NAP1L4: variants seen among roughly 807,000 people sequenced by gnomAD.
NAP1L4 encodes nucleosome assembly protein 1 like 4.
Under a neutral mutation model 58.2 loss-of-function variants are expected in NAP1L4, and 15 were observed. The ratio of observed to expected loss-of-function variants is 0.26; its 90% CI spans 0.17 to 0.40. The LOEUF is 0.40. Ranked by LOEUF, NAP1L4 falls within the 10% of genes least tolerant of loss-of-function variation. NAP1L4 has a pLI of 1.00. For missense variants in NAP1L4, 384 were observed against 451.1 expected, an observed-to-expected ratio of 0.85 and a Z score of 1.35; for synonymous variants, 171 against 155.6, an observed-to-expected ratio of 1.10 and a Z score of -0.74.
In NAP1L4 at chr11:2,954,695, A is replaced by AT; in HGVS notation, c.916-50dup. 6.2e-7 allele frequency: 1 copy of AT among 1,612,630 alleles called. No individual in the cohort carries two copies. Among genetic ancestry groups the AT allele is most frequent in the Non-Finnish European group, 8.5e-7 (1 of 1,179,176 alleles). On this transcript the variant is annotated intron_variant, in intron 11 of 15. Transcript: ENST00000380542. The surrounding 1 kb of genome is among the most constrained non-coding windows in gnomAD (Gnocchi z 4.8). Reference sequence around the variant, plus strand: ...TAACTCATTTTAATGGGATAAAAACATTCACTTCACCACCCTCAGCCAAAC... The same window carrying AT: ...TAACTCATTTTAATGGGATAAAAACATTTCACTTCACCACCCTCAGCCAAAC...
At position 2,951,778 on chromosome 11, in the gene NAP1L4, ACCT is replaced by A. The variant is rs1275427732; in HGVS notation, c.1064_1065+1del. The A allele has an allele frequency of 1.9e-6, 3 of 1,613,942 alleles. No homozygotes were observed. Among genetic ancestry groups the A allele is most frequent in the Non-Finnish European group, 2.5e-6 (3 of 1,179,982 alleles). On this transcript the variant is annotated splice_donor_variant and coding_sequence_variant, in exon 13 of 16. Transcript: ENST00000380542. LOFTEE classifies it high-confidence loss of function. This position sits in a 1 kb window ranked among gnomAD's most constrained non-coding sequence, Gnocchi z 4.0. ...GTGGCACTGCATAAACCTGTCTCTT[ACCT>A]CCTCTTCTCCTTCTTCACCTTCTTC... is the stretch of plus-strand genomic sequence containing the variant.
chr11:2,954,742 T>G lies in NAP1L4; in HGVS notation c.916-96A>C, dbSNP rs1564974502. On this transcript the variant is annotated intron_variant, in intron 11 of 15. Coordinates refer to ENST00000380542, the MANE Select transcript of NAP1L4 (RefSeq NM_005969.4). The surrounding 1 kb of genome is among the most constrained non-coding windows in gnomAD (Gnocchi z 4.8). ...AAACCTCAGCCCCTCACTTTTGATT[T>G]ACTTAACTTAAAACACCAAACTCCT... 3 of 1,541,952 alleles carry G rather than the reference T, an allele frequency of 1.9e-6. No homozygotes were observed. The highest frequency in any genetic ancestry group is 1.7e-5 in the Admixed American group (1 of 59,564).
In NAP1L4 at chr11:2,954,097, T is replaced by G. The variant is rs1304271571; in HGVS notation, c.1035+430A>C. Reference sequence around the variant, plus strand: ...GGGTTTCTTTTTTTTCCTTTTTACCTAATTAGATAGAAGTTCAGGAATTTC... The same window carrying G: ...GGGTTTCTTTTTTTTCCTTTTTACCGAATTAGATAGAAGTTCAGGAATTTC... On this transcript the variant is annotated intron_variant, in intron 12 of 15. Coordinates refer to ENST00000380542, the MANE Select transcript of NAP1L4 (RefSeq NM_005969.4). This position sits in a 1 kb window ranked among gnomAD's most constrained non-coding sequence, Gnocchi z 4.8. Among the ~76,000 whole-genome samples, 2 of 152,038 alleles carry G rather than the reference T, an allele frequency of 1.3e-5. No individual in the cohort carries two copies. The highest frequency in any genetic ancestry group is 4.8e-5 in the African/African-American group (2 of 41,306).
Position 2,969,154 on chromosome 11 carries a change from C to T in NAP1L4, c.534+649G>A, listed in dbSNP as rs1847480096. Among the ~76,000 whole-genome samples the T allele has an allele frequency of 2.0e-5, 3 of 152,066 alleles. No individual in the cohort carries two copies. The South Asian group carries it at 6.2e-4, about 32-fold the overall frequency. On this transcript the variant is annotated intron_variant, in intron 7 of 15. Coordinates refer to ENST00000380542, the MANE Select transcript of NAP1L4 (RefSeq NM_005969.4). ...CACAGGCGCACACCACAACGCCCAGCTAACTTTTCTATTTTTTGTAGAGAT... is the reference window on the plus strand; with the variant it reads ...CACAGGCGCACACCACAACGCCCAGTTAACTTTTCTATTTTTTGTAGAGAT...
chr11:2,983,022 AAAAAAAC>A (rs369587316), intron 1 of NAP1L4, among the ~76,000 whole-genome samples: 39 of 152,258 alleles, frequency 2.6e-4, no homozygotes, highest in Admixed American at 4.6e-4. Flanking sequence ...TCCATCTCAA[AAAAAAAC>A]AAAAAACAAA....
At chr11:2,965,678 C>T (rs369632344) in intron 7 of NAP1L4, among the ~76,000 whole-genome samples, 33 of 152,240 alleles carry the variant, frequency 2.2e-4, no homozygotes, top group South Asian at 6.2e-4. Context: ...TACAGGCACC[C>T]GCCAACCATG....
Position 2,991,173 on chromosome 11 carries a change from G to A in NAP1L4, c.-18+1081C>T, listed in dbSNP as rs753395827. ...CAGGTGATGTGACACACACGTTAGG[G>A]TCTAAAGGTCCCAAGGCTGGAGTCC... On this transcript the variant is annotated intron_variant, in intron 1 of 15. Transcript: ENST00000380542. 2.0e-5 allele frequency: 9 copies of A among 455,960 alleles called. No individual in the cohort carries two copies. In the East Asian group the frequency reaches 2.8e-4, roughly 14 times the overall value. The allele number at this position is 455,960 out of a possible 1,614,324, so 28.2% of individuals were successfully genotyped here.
At chr11:2,967,493 C>A (rs1165131783) in intron 7 of NAP1L4, among the ~76,000 whole-genome samples, 1 of 151,964 alleles carries the variant, frequency 6.6e-6, no homozygotes, top group Non-Finnish European at 1.5e-5. Context: ...TGCCTGTAGT[C>A]CCAGCTACTC....
chr11:2,965,418 T>C (rs1350685613), intron 7 of NAP1L4, among the ~76,000 whole-genome samples: 1 of 152,238 alleles, frequency 6.6e-6, no homozygotes, highest in Non-Finnish European at 1.5e-5. Context: ...TTTGTGTATC[T>C]AAACACAGAG....
intron 4 of NAP1L4, among the ~76,000 whole-genome samples, chr11:2,974,028 A>G (rs909108057): frequency 1.3e-5 from 2 of 152,228 alleles, no homozygotes; most frequent in African/African-American, 2.4e-5. Flanking sequence ...TCGGCCTCCC[A>G]AAGTGCTAGG....
At chr11:2,956,419 A>C (rs899096121) in intron 10 of NAP1L4, among the ~76,000 whole-genome samples, 2 of 152,104 alleles carry the variant, frequency 1.3e-5, no homozygotes, top group Non-Finnish European at 2.9e-5. Context: ...CTGATTTTAG[A>C]AACATTTACT....
chr11:2,945,751 GAAAA>G (rs955036674), intron 15 of NAP1L4, 105 bp from the exon 16 acceptor site: 3 of 887,668 alleles, frequency 3.4e-6, no homozygotes, highest in Non-Finnish European at 4.9e-6. Context: ...CATTCTCATT[GAAAA>G]AAATGGTTAC....
In NAP1L4 at chr11:2,948,463, G is replaced by A. The variant is rs555013432; in HGVS notation, c.*32+764C>T. Among the ~76,000 whole-genome samples, 459 of 152,282 alleles carry A rather than the reference G, an allele frequency of 3.0e-3. 3 individuals carry two copies. Among genetic ancestry groups the A allele is most frequent in the African/African-American group, 0.011 (438 of 41,544 alleles). On this transcript the variant is annotated intron_variant, in intron 15 of 15. Coordinates refer to ENST00000380542, the MANE Select transcript of NAP1L4 (RefSeq NM_005969.4). The surrounding 1 kb of genome is among the most constrained non-coding windows in gnomAD (Gnocchi z 5.1). ...TCTGCTTTCTCCCACTACATCCCGA[G>A]TGCCACGAGTGAACAGGTCTCGTCA... is the stretch of plus-strand genomic sequence containing the variant.
chr11:2,975,821 C>T (rs955201105), intron 4 of NAP1L4, among the ~76,000 whole-genome samples: 2 of 152,100 alleles, frequency 1.3e-5, no homozygotes, highest in African/African-American at 2.4e-5. Flanking sequence ...TGACAGGTCA[C>T]GCTACTCCAT....
At position 2,945,215 on chromosome 11, in the gene NAP1L4, G is replaced by A. The variant is rs148498769; in HGVS notation, c.*464C>T. 5.3e-6 allele frequency: 1 copy of A among 187,276 alleles called. No homozygotes were observed. Among genetic ancestry groups the A allele is most frequent in the African/African-American group, 2.3e-5 (1 of 42,822 alleles). 11.6% of individuals were successfully genotyped at this position (187,276 alleles called of 1,614,324 possible). ...TCTTCGGATGAAAGGGAAGAATTCA[G>A]TCCAACTGCAGGAGGGGTGGGAGAG... On this transcript the variant is annotated 3_prime_UTR_variant, in exon 16 of 16. Coordinates refer to ENST00000380542, the MANE Select transcript of NAP1L4 (RefSeq NM_005969.4).
At chr11:2,970,858 C>CAAA (rs58552553) in intron 6 of NAP1L4, among the ~76,000 whole-genome samples, 4 of 110,460 alleles carry the variant, frequency 3.6e-5, no homozygotes, top group Admixed American at 2.4e-4. Flanking sequence ...ACCCCCCCCC[C>CAAA]AAAAAAAAAA....
intron 14 of NAP1L4, among the ~76,000 whole-genome samples, chr11:2,950,817 T>A (rs1423598731): frequency 6.6e-6 from 1 of 152,226 alleles, no homozygotes; most frequent in Non-Finnish European, 1.5e-5. Flanking sequence ...CATCTGGGCA[T>A]GCTCAGCTCA....
intron 3 of NAP1L4, among the ~76,000 whole-genome samples, chr11:2,977,094 T>C (rs991403061): frequency 2.6e-5 from 4 of 152,200 alleles, no homozygotes; most frequent in South Asian, 2.1e-4. Flanking sequence ...GCACATGAAG[T>C]GTATTTAAGG....
chr11:2,962,015 G>C (rs1564978816), intron 8 of NAP1L4, among the ~76,000 whole-genome samples: 1 of 152,328 alleles, frequency 6.6e-6, no homozygotes, highest in South Asian at 2.1e-4. Context: ...AGCCAGGTAA[G>C]CCATAAATAT....
Sources: allele counts gnomAD v4.1 joint callset (sites outside exome capture counted in the v4.1 genomes callset), GRCh38; gene constraint gnomAD v4.1.1; non-coding constraint Gnocchi (gnomAD v3.1); transcripts MANE v1.5; gene names NCBI Gene and HGNC (gene_info 2026-07-23, HGNC 2026-07-21).